The following SKIDA1 variants were observed in gnomAD, a reference collection of about 807,000 sequenced individuals.
SKIDA1 encodes the protein SKI/DACH domain containing 1, also known as SKI/DACH domain-containing protein 1.
In SKIDA1, 18 loss-of-function variants were observed where a neutral mutation model predicts 51.4. The ratio of observed to expected loss-of-function variants is 0.35; its 90% CI spans 0.24 to 0.52. SKIDA1 has a LOEUF of 0.52. Ranked by LOEUF, SKIDA1 falls within the 20% of genes least tolerant of loss-of-function variation. The pLI is 0.95. For missense variants in SKIDA1, 1,104 were observed against 1,180.6 expected (o/e 0.94, Z 0.95); for synonymous variants, 579 against 500.5 (o/e 1.16, Z -2.09).
At chr10:21,519,723 C>G (rs1289049647) in intron 3 of SKIDA1, 65 bp from the exon 4 acceptor site, 1 of 166,912 alleles carries the variant, frequency 6.0e-6, no homozygotes, top group South Asian at 2.1e-4. Context: ...TTCCCCTGCT[C>G]TGGTCTGGAT....
At position 21,519,604 on chromosome 10, in the gene SKIDA1, C is replaced by T. The variant is rs1181751600; in HGVS notation, c.-1782G>A. ...CCAGGCATTTATGTGTTTCCTTGTT[C>T]CTCCAAAAATAGACACATCCGCGTG... is the stretch of plus-strand genomic sequence containing the variant. On this transcript the variant is annotated 5_prime_UTR_variant, in exon 4 of 4. Coordinates refer to ENST00000449193, the MANE Select transcript of SKIDA1 (RefSeq NM_207371.4). 1.2e-5 allele frequency: 2 copies of T among 166,982 alleles called. No individual in the cohort carries two copies. Among genetic ancestry groups the T allele is most frequent in the African/African-American group, 4.8e-5 (2 of 41,416 alleles). 10.3% of individuals were successfully genotyped at this position (166,982 alleles called of 1,614,324 possible). A position where few individuals can be genotyped will look rare whatever the true frequency, so the allele number is the denominator to read the frequency against.
chr10:21,521,056 ATG>A (rs1283736526), intron 3 of SKIDA1, among the ~76,000 whole-genome samples: 63 of 121,834 alleles, frequency 5.2e-4, no homozygotes, highest in Admixed American at 7.6e-4. Context: ...GAATGAGTGC[ATG>A]CACACACACA....
At chr10:21,521,093 CAG>C (rs56729823) in intron 3 of SKIDA1, among the ~76,000 whole-genome samples, 57 of 145,194 alleles carry the variant, frequency 3.9e-4, no homozygotes, top group African/African-American at 1.4e-3. Flanking sequence ...CACACAAACA[CAG>C]AATGTGACAG....
rs937353560 is a variant in SKIDA1 at position 21,514,637 on chromosome 10, T to A, written c.*459A>T. On this transcript the variant is annotated 3_prime_UTR_variant, in exon 4 of 4. Transcript: ENST00000449193. ...TTCTTGCTACCTCACCTCACCTCAC[T>A]GTGTAACCATGTAACCTAACAAACT... is the stretch of plus-strand genomic sequence containing the variant. The A allele has an allele frequency of 6.5e-6, 1 of 153,952 alleles. No individual in the cohort carries two copies. The highest frequency in any genetic ancestry group is 1.4e-5 in the Non-Finnish European group (1 of 69,066). The allele number at this position is 153,952 out of a possible 1,614,324, so 9.5% of individuals were successfully genotyped here. A position where few individuals can be genotyped will look rare whatever the true frequency, so the allele number is the denominator to read the frequency against.
chr10:21,522,297 C>T (rs1588687977), intron 2 of SKIDA1, among the ~76,000 whole-genome samples: 1 of 109,610 alleles, frequency 9.1e-6, no homozygotes, highest in African/African-American at 3.4e-5. Context: ...CCCCCGCCAC[C>T]AGCTCTTCAC....
At position 21,515,764 on chromosome 10, in the gene SKIDA1, T is replaced by G; in HGVS notation, c.2059A>C (p.Ile687Leu). 1 of 1,614,064 alleles carries G rather than the reference T, an allele frequency of 6.2e-7. No homozygotes were observed. The highest frequency in any genetic ancestry group is 8.5e-7 in the Non-Finnish European group (1 of 1,179,898). Residue 687 changes from isoleucine (I) to leucine (L), a missense_variant, in exon 4 of 4, where the codon ATC becomes CTC. By Grantham distance (5) the Ile-to-Leu change is conservative. This residue lies in a region of SKIDA1 where 938 missense variants were observed against 886.4 expected (regional missense o/e 1.06). Coordinates refer to ENST00000449193, the MANE Select transcript of SKIDA1 (RefSeq NM_207371.4). ...KTLPFLHNIKIKVEDSSANEE... is the reference protein window; with the variant it reads ...KTLPFLHNIKLKVEDSSANEE... ...TTAGCACTACTGTCTTCTACTTTGA[T>G]TTTAATATTGTGCAGAAATGGCAAT...
At position 21,517,221 on chromosome 10, in the gene SKIDA1, T is replaced by A. The variant is rs2032266369; in HGVS notation, c.602A>T (p.Gln201Leu). The change falls in exon 4 of 4, where the codon CAG becomes CTG. Residue 201 changes from glutamine to leucine, a missense_variant. Transcript: ENST00000449193. This position sits in a 1 kb window ranked among gnomAD's most constrained non-coding sequence, Gnocchi z 6.9. ...PPLNYETAPL[Q>L]GNYVAFPSDP... ...CGAGGGGAAGGCGACGTAGTTTCCCTGGAGCGGGGCAGTTTCATAGTTTAG... is the reference window on the plus strand; with the variant it reads ...CGAGGGGAAGGCGACGTAGTTTCCCAGGAGCGGGGCAGTTTCATAGTTTAG... 1.4e-6 allele frequency: 2 copies of A among 1,458,700 alleles called. No homozygotes were observed. Among genetic ancestry groups the A allele is most frequent in the Non-Finnish European group, 1.8e-6 (2 of 1,100,226 alleles). The allele number at this position is 1,458,700 out of a possible 1,614,324, so 90.4% of individuals were successfully genotyped here.
rs941563501 is a variant in SKIDA1 at position 21,514,097 on chromosome 10, C to G, written c.*999G>C. On this transcript the variant is annotated 3_prime_UTR_variant, in exon 4 of 4. Coordinates refer to ENST00000449193, the MANE Select transcript of SKIDA1 (RefSeq NM_207371.4). ...GGACATGGTGGCACGCGCCCGTAAT[C>G]CCAGCTACTCAGGAGGCTGAGGCAG... 6.6e-6 allele frequency: 1 copy of G among 151,578 alleles called. No individual in the cohort carries two copies. The highest frequency in any genetic ancestry group is 2.4e-5 in the African/African-American group (1 of 41,202). The allele number at this position is 151,578 out of a possible 1,614,324, so 9.4% of individuals were successfully genotyped here.
In SKIDA1 at chr10:21,515,068, GTTCAAGAAAAT is replaced by G; in HGVS notation, c.*17_*27del. The G allele has an allele frequency of 1.3e-6, 2 of 1,544,788 alleles. No individual in the cohort carries two copies. Among genetic ancestry groups the G allele is most frequent in the Non-Finnish European group, 1.7e-6 (2 of 1,145,168 alleles). ...TTTACAACAAAAGGAAGGTAATATG[GTTCAAGAAAAT>G]ATCTTCCAAAACATTTTTATGAATT... is the stretch of plus-strand genomic sequence containing the variant. On this transcript the variant is annotated 3_prime_UTR_variant, in exon 4 of 4. Coordinates refer to ENST00000449193, the MANE Select transcript of SKIDA1 (RefSeq NM_207371.4).
chr10:21,514,728 A>C lies in SKIDA1; in HGVS notation c.*368T>G. On this transcript the variant is annotated 3_prime_UTR_variant, in exon 4 of 4. Transcript: ENST00000449193. The stretch of plus-strand genomic sequence containing the variant: ...GTGCATAAACTTAATGGCTCATTGT[A>C]ATATTTATTATTCAACCTTTTGACA... 5.9e-6 allele frequency: 1 copy of C among 170,136 alleles called. No homozygotes were observed. The highest frequency in any genetic ancestry group is 1.3e-5 in the Non-Finnish European group (1 of 79,308). The allele number at this position is 170,136 out of a possible 1,614,324, so 10.5% of individuals were successfully genotyped here. A position where few individuals can be genotyped will look rare whatever the true frequency, so the allele number is the denominator to read the frequency against.
intron 2 of SKIDA1, among the ~76,000 whole-genome samples, chr10:21,522,266 ACCCCCCCCCCCCCCCCCCCCC>A (rs71393906): frequency 3.3e-5 from 1 of 30,442 alleles, no homozygotes; most frequent in East Asian, 3.2e-3. Context: ...GATCACAGCC[ACCCCCCCCCCCCCCCCCCCCC>A]CCCCGCCACC....
chr10:21,525,270 C>T (rs2032664696), intron 1 of SKIDA1, among the ~76,000 whole-genome samples: 1 of 152,210 alleles, frequency 6.6e-6, no homozygotes, highest in Non-Finnish European at 1.5e-5. Flanking sequence ...TATCACGTTA[C>T]TGTTTGCTAA....
Position 21,517,769 on chromosome 10 carries a change from G to A in SKIDA1, c.54C>T (p.Tyr18=), listed in dbSNP as rs533538345. The part of the protein sequence containing the change: ...FEEVDGVRLG[Y]LIIKGKQMFA... ...ACATTTGCTTCCCTTTAATGATGAGGTAGCCGAGCCTCACGCCATCCACCT... is the reference window on the plus strand; with the variant it reads ...ACATTTGCTTCCCTTTAATGATGAGATAGCCGAGCCTCACGCCATCCACCT... The change falls in exon 4 of 4, where the codon TAC becomes TAT. Residue 18 remains tyrosine, a synonymous_variant. Transcript: ENST00000449193. The surrounding 1 kb of genome is among the most constrained non-coding windows in gnomAD (Gnocchi z 6.9). 6.2e-7 allele frequency: 1 copy of A among 1,613,502 alleles called. No homozygotes were observed. Among genetic ancestry groups the A allele is most frequent in the Admixed American group, 1.7e-5 (1 of 60,014 alleles).
chr10:21,516,333 G>C lies in SKIDA1; in HGVS notation c.1490C>G (p.Ala497Gly). ...LASAAAATKP[A>G]AFEDAGRLPD... ...AAGTCTGCCGGCATCCTCGAAAGCA[G>C]CGGGTTTGGTTGCAGCGGCGGCGGA... Residue 497 changes from alanine to glycine, a missense_variant, in exon 4 of 4, where the codon GCT becomes GGT. Transcript: ENST00000449193. The surrounding 1 kb of genome is among the most constrained non-coding windows in gnomAD (Gnocchi z 5.7). 6.2e-7 allele frequency: 1 copy of C among 1,613,710 alleles called. No homozygotes were observed. Among genetic ancestry groups the C allele is most frequent in the Non-Finnish European group, 8.5e-7 (1 of 1,179,900 alleles).
rs1178042157 is a variant in SKIDA1 at position 21,513,637 on chromosome 10, G to C, written c.*1459C>G. The C allele has an allele frequency of 6.6e-6, 1 of 152,552 alleles. No homozygotes were observed. The highest frequency in any genetic ancestry group is 1.9e-4 in the East Asian group (1 of 5,194). The allele number at this position is 152,552 out of a possible 1,614,324, so 9.4% of individuals were successfully genotyped here. ...TAGCATTTGCATGTTGAACTACTTT[G>C]ATTTTAAGTGCAAATATAGATAGTC... On this transcript the variant is annotated 3_prime_UTR_variant, in exon 4 of 4. Transcript: ENST00000449193.
rs778210359 is a variant in SKIDA1 at position 21,515,608 on chromosome 10, C to T, written c.2215G>A (p.Ala739Thr). 3 of 1,614,020 alleles carry T rather than the reference C, an allele frequency of 1.9e-6. No homozygotes were observed. Among genetic ancestry groups the T allele is most frequent in the Non-Finnish European group, 2.5e-6 (3 of 1,179,888 alleles). Reference protein sequence around the residue: ...ALLTTAKEGFACPEKETPSLN... With the variant: ...ALLTTAKEGFTCPEKETPSLN... ...GAAGGAGTTTCTTTTTCAGGGCATGCAAAACCTTCCTTGGCTGTGGTTAAC... is the reference window on the plus strand; with the variant it reads ...GAAGGAGTTTCTTTTTCAGGGCATGTAAAACCTTCCTTGGCTGTGGTTAAC... Residue 739 changes from alanine to threonine, a missense_variant, in exon 4 of 4, where the codon GCA (alanine) becomes ACA (threonine). This residue lies in a region of SKIDA1 where 938 missense variants were observed against 886.4 expected (regional missense o/e 1.06). Coordinates refer to ENST00000449193, the MANE Select transcript of SKIDA1 (RefSeq NM_207371.4).
chr10:21,516,203 A>G lies in SKIDA1; in HGVS notation c.1620T>C (p.Ser540=). 1.4e-5 allele frequency: 22 copies of G among 1,613,492 alleles called. No individual in the cohort carries two copies. Among genetic ancestry groups the G allele is most frequent in the Non-Finnish European group, 1.8e-5 (21 of 1,179,778 alleles). ...TATCGTTCCTTATCTCAGCGAAACA[A>G]CTCCCCAGGCTGGCCGGGCAGTACA... ...SPVYCPASLG[S]CFAEIRNDRV... Residue 540 remains serine (S), a synonymous_variant, in exon 4 of 4, where the codon AGT becomes AGC. Coordinates refer to ENST00000449193, the MANE Select transcript of SKIDA1 (RefSeq NM_207371.4). The surrounding 1 kb of genome is among the most constrained non-coding windows in gnomAD (Gnocchi z 5.7).
chr10:21,524,595 G>T (rs1331507766), intron 1 of SKIDA1: 1 of 111,854 alleles, frequency 8.9e-6, no homozygotes, highest in Non-Finnish European at 2.1e-5. Context: ...CTAAGGCGGG[G>T]GGGGGGGGGG....
rs1459539885 is a variant in SKIDA1, at chr10:21,519,335, CAA to C, written c.-1515_-1514del. On this transcript the variant is annotated 5_prime_UTR_variant, in exon 4 of 4. An upstream open reading frame in the 5' UTR gains an earlier in-frame stop. Coordinates refer to ENST00000449193, the MANE Select transcript of SKIDA1 (RefSeq NM_207371.4). ...CTTCCACAACTCCCAGTTTTTCCAT[CAA>C]AGTCAAGCATCTGCTTTAACAAAAT... 3 of 167,072 alleles carry C rather than the reference CAA, an allele frequency of 1.8e-5. No homozygotes were observed. Among genetic ancestry groups the C allele is most frequent in the Non-Finnish European group, 4.4e-5 (3 of 68,128 alleles). 10.3% of individuals were successfully genotyped at this position (167,072 alleles called of 1,614,324 possible). A position where few individuals can be genotyped will look rare whatever the true frequency, so the allele number is the denominator to read the frequency against.
Sources: allele counts gnomAD v4.1 joint callset (sites outside exome capture counted in the v4.1 genomes callset), GRCh38; gene constraint gnomAD v4.1.1; regional missense constraint gnomAD v4.1.1; non-coding constraint Gnocchi (gnomAD v3.1); transcripts MANE v1.5; gene names NCBI Gene and HGNC (gene_info 2026-07-23, HGNC 2026-07-21).